The following SEPTIN14 variants were observed in gnomAD, a reference collection of about 807,000 sequenced individuals.
The protein encoded by SEPTIN14 is septin 14, also known as septin-14.
In SEPTIN14, 40 loss-of-function variants were observed where a neutral mutation model predicts 53.6. The ratio of observed to expected loss-of-function variants is 0.75; its 90% confidence interval spans 0.58 to 0.97. The LOEUF (loss-of-function observed/expected upper bound fraction) is 0.97, where lower values mean the gene tolerates loss of function less well. SEPTIN14 is among the 50% of genes least tolerant of loss of function. SEPTIN14 has a pLI of 0.00. For missense variants in SEPTIN14, 471 were observed against 508.2 expected, an observed-to-expected ratio of 0.93 and a Z score of 0.70; for synonymous variants, 138 against 166.8, an observed-to-expected ratio of 0.83 and a Z score of 1.33.
At chr7:55,846,065 G>GTA (rs56306800) in intron 3 of SEPTIN14, among the ~76,000 whole-genome samples, 1,338 of 39,730 alleles carry the variant, frequency 0.034, 169 homozygotes, top group East Asian at 0.11. Context: ...AAAAAAAAAA[G>GTA]TATATATATA....
chr7:55,813,717 A>G (rs967468450), intron 7 of SEPTIN14, among the ~76,000 whole-genome samples: 6 of 152,222 alleles, frequency 3.9e-5, no homozygotes, highest in Admixed American at 2.6e-4. Context: ...GCTCAGCCAC[A>G]GTAAAACACA....
intron 9 of SEPTIN14, among the ~76,000 whole-genome samples, chr7:55,803,281 G>C (rs1341586920): frequency 6.6e-6 from 1 of 151,826 alleles, no homozygotes. Flanking sequence ...GGCAAATAGG[G>C]ATATGAAAAA....
chr7:55,801,907 C>A (rs555725359), intron 9 of SEPTIN14, among the ~76,000 whole-genome samples: 6 of 151,804 alleles, frequency 4.0e-5, no homozygotes, highest in Admixed American at 6.6e-5. Flanking sequence ...GGTGACACAG[C>A]GAGATCTTGT....
chr7:55,842,851 T>C (rs1350214412), intron 5 of SEPTIN14, 91 bp downstream of exon 5: 13 of 710,182 alleles, frequency 1.8e-5, no homozygotes, highest in Non-Finnish European at 2.5e-5. Flanking sequence ...AGGCGGAGCT[T>C]GCGGTGAGAT....
chr7:55,830,347 A>AT (rs1283196897), intron 6 of SEPTIN14, among the ~76,000 whole-genome samples: 794 of 50,254 alleles, frequency 0.016, 20 homozygotes, highest in Middle Eastern at 0.043. Context: ...ATATATATAT[A>AT]TATTTTTTTT....
chr7:55,833,607 C>T lies in SEPTIN14; in HGVS notation c.720+818G>A, dbSNP rs545310766. Among the ~76,000 whole-genome samples the T allele has an allele frequency of 7.4e-4, 112 of 151,898 alleles. 1 individual carries two copies. The highest frequency in any genetic ancestry group is 4.7e-4 in the Non-Finnish European group (32 of 67,980). On this transcript the variant is annotated intron_variant, in intron 6 of 9. Coordinates refer to ENST00000388975, the MANE Select transcript of SEPTIN14 (RefSeq NM_207366.3). Reference sequence around the variant, plus strand: ...CCTGTAATCCCAGCTACTTGGGAGGCTGAGGCAGGAGAATCACTTGAAGCC... The same window carrying T: ...CCTGTAATCCCAGCTACTTGGGAGGTTGAGGCAGGAGAATCACTTGAAGCC...
chr7:55,834,315 CG>C (rs1789164329), intron 6 of SEPTIN14, 109 bp downstream of exon 6: 1 of 684,922 alleles, frequency 1.5e-6, no homozygotes, highest in Admixed American at 3.4e-5. Flanking sequence ...TACAAAGAAT[CG>C]ATTCTCAGCA....
chr7:55,860,990 G>T (rs1366575646), intron 2 of SEPTIN14, among the ~76,000 whole-genome samples: 1 of 152,196 alleles, frequency 6.6e-6, no homozygotes. Context: ...ACTTGCTAAA[G>T]ATTTGTTGCT....
At chr7:55,817,946 A>G (rs1788823654) in intron 7 of SEPTIN14, among the ~76,000 whole-genome samples, 1 of 152,164 alleles carries the variant, frequency 6.6e-6, no homozygotes, top group Non-Finnish European at 1.5e-5. Context: ...AGATTAATTA[A>G]TGAAAAATAA....
At chr7:55,845,580 C>T (rs536225398) in intron 3 of SEPTIN14, among the ~76,000 whole-genome samples, 31 of 151,972 alleles carry the variant, frequency 2.0e-4, no homozygotes, top group African/African-American at 4.8e-4. Flanking sequence ...ATAAGTAAAC[C>T]GGGTAATAGA....
chr7:55,834,943 C>T (rs1028863277), intron 5 of SEPTIN14, among the ~76,000 whole-genome samples: 1 of 152,052 alleles, frequency 6.6e-6, no homozygotes, highest in Non-Finnish European at 1.5e-5. Context: ...CTGCGCCCAG[C>T]CATCCTATAG....
intron 9 of SEPTIN14, chr7:55,798,751 T>C (rs1421049649): frequency 5.0e-6 from 1 of 198,390 alleles, no homozygotes; most frequent in South Asian, 7.7e-5. Context: ...TGGGGCCCAA[T>C]GAGAGGCAGA....
intron 2 of SEPTIN14, among the ~76,000 whole-genome samples, chr7:55,855,260 G>C (rs1028991192): frequency 1.3e-5 from 2 of 152,082 alleles, no homozygotes; most frequent in Non-Finnish European, 2.9e-5. Context: ...CACCCGCTTC[G>C]GCCTCCCAAA....
At chr7:55,855,175 A>AT (rs1382269309) in intron 2 of SEPTIN14, among the ~76,000 whole-genome samples, 1 of 151,918 alleles carries the variant, frequency 6.6e-6, no homozygotes, top group Non-Finnish European at 1.5e-5. Context: ...TGCCCAGCTA[A>AT]TTTTTTGTAT....
At chr7:55,850,631 T>C (rs1789500861) in intron 2 of SEPTIN14, among the ~76,000 whole-genome samples, 1 of 152,182 alleles carries the variant, frequency 6.6e-6, no homozygotes, top group Non-Finnish European at 1.5e-5. Flanking sequence ...TCTTAACAAC[T>C]GAAATATTGA....
chr7:55,812,152 A>T (rs1788715322), intron 7 of SEPTIN14, among the ~76,000 whole-genome samples: 1 of 152,194 alleles, frequency 6.6e-6, no homozygotes, highest in Admixed American at 6.5e-5. Context: ...TTTATTCCTA[A>T]GCATTTTATT....
chr7:55,841,333 TG>T (rs1479938679), intron 5 of SEPTIN14, among the ~76,000 whole-genome samples: 1 of 152,216 alleles, frequency 6.6e-6, no homozygotes, highest in East Asian at 1.9e-4. Flanking sequence ...TAGTGAGCAT[TG>T]TACCCAATAG....
At chr7:55,839,714 A>G (rs757882732) in intron 5 of SEPTIN14, among the ~76,000 whole-genome samples, 3 of 152,140 alleles carry the variant, frequency 2.0e-5, no homozygotes, top group Non-Finnish European at 4.4e-5. Flanking sequence ...ATGATCTGGG[A>G]GGTAAGTCAA....
rs868460165 is a variant in SEPTIN14 at position 55,797,347 on chromosome 7, C to T, written c.1120-1255G>A. 7.9e-5 allele frequency among the ~76,000 whole-genome samples: 12 copies of T among 152,172 alleles called. 3 individuals are homozygous for T. In the Middle Eastern group the frequency reaches 0.041, roughly 518 times the overall value. ...AGGTTCAAACCAAATAGATACTCAC[C>T]AAGTCACAATATAATCAAATAGTCA... On this transcript the variant is annotated intron_variant, in intron 9 of 9. Coordinates refer to ENST00000388975, the MANE Select transcript of SEPTIN14 (RefSeq NM_207366.3).
Sources: allele counts gnomAD v4.1 joint callset (sites outside exome capture counted in the v4.1 genomes callset), GRCh38; gene constraint gnomAD v4.1.1; transcripts MANE v1.5; gene names NCBI Gene and HGNC (gene_info 2026-07-23, HGNC 2026-07-21).